RSL1D1: variants seen among roughly 807,000 people sequenced by gnomAD.
RSL1D1 encodes the protein ribosomal L1 domain containing 1.
Under a neutral mutation model 44.6 loss-of-function variants are expected in RSL1D1, and 34 were observed. That is an observed-to-expected ratio of 0.76 (90% CI 0.58 to 1.02). The LOEUF is 1.02. Among genes scored for constraint, RSL1D1 ranks in the 50% least tolerant of loss-of-function variants. The pLI is 0.00. For synonymous variants in RSL1D1, 271 were observed against 207.4 expected, an observed-to-expected ratio of 1.31 and a Z score of -2.63; for missense variants, 767 against 568.1, an observed-to-expected ratio of 1.35 and a Z score of -3.56.
At chr16:11,850,728 G>T (rs2053831450) in intron 1 of RSL1D1, among the ~76,000 whole-genome samples, 1 of 152,180 alleles carries the variant, frequency 6.6e-6, no homozygotes, top group Admixed American at 6.5e-5. Flanking sequence ...CCTCAATGAT[G>T]AAAGCAGTAA....
intron 2 of RSL1D1, among the ~76,000 whole-genome samples, chr16:11,850,070 G>T (rs58446554): frequency 6.6e-6 from 1 of 152,006 alleles, no homozygotes; most frequent in South Asian, 2.1e-4. Flanking sequence ...CAGGTGATCC[G>T]TCCACCTCGG....
At chr16:11,851,233 G>A in intron 1 of RSL1D1, 175 bp downstream of exon 1, 1 of 670,022 alleles carries the variant, frequency 1.5e-6, no homozygotes, top group East Asian at 2.7e-5. Context: ...ACCAGGGAAA[G>A]CAGGCGCCCA....
Position 11,850,306 on chromosome 16 carries a change from A to G in RSL1D1, c.218T>C (p.Ile73Thr), listed in dbSNP as rs761309105. Residue 73 changes from isoleucine (I) to threonine (T), a missense_variant, in exon 2 of 9, where the codon ATT becomes ACT. Transcript: ENST00000571133. ...TCTGACCCTCAGTTCTTTACTTGGA[A>G]TTTTCCATAATACCACCATTAAAAA... ...SLFLMVVLWK[I>T]PSKELRVRLT... 1.9e-6 allele frequency: 3 copies of G among 1,586,848 alleles called. No homozygotes were observed. The East Asian group carries it at 6.8e-5, about 36-fold the overall frequency.
intron 5 of RSL1D1, among the ~76,000 whole-genome samples, chr16:11,845,055 A>G (rs1596441313): frequency 6.6e-6 from 1 of 152,304 alleles, no homozygotes; most frequent in East Asian, 1.9e-4. Flanking sequence ...CAACACACAC[A>G]CCAAATAGGC....
rs1314953533 is a variant in RSL1D1 at position 11,837,803 on chromosome 16, A to C, written c.1457T>G (p.Val486Gly). The change falls in exon 9 of 9, where the codon GTA becomes GGA. Residue 486 changes from valine to glycine, a missense_variant. By Grantham distance (109) the Val-to-Gly change is moderately radical. Coordinates refer to ENST00000571133, the MANE Select transcript of RSL1D1 (RefSeq NM_015659.3). ...TCACTGACTTTAGGTCGACTGGGGTACTTTGGGTTTTTTGGGCCATTTTTT... is the reference window on the plus strand; with the variant it reads ...TCACTGACTTTAGGTCGACTGGGGTCCTTTGGGTTTTTTGGGCCATTTTTT... Reference protein sequence around the residue: ...TPKKWPKKPKVPQST With the variant: ...TPKKWPKKPKGPQST The C allele has an allele frequency of 1.2e-6, 2 of 1,609,404 alleles. No individual in the cohort carries two copies. The highest frequency in any genetic ancestry group is 1.7e-6 in the Non-Finnish European group (2 of 1,177,968).
In RSL1D1 at chr16:11,838,126, A is replaced by G; in HGVS notation, c.1147-13T>C. 2 of 1,557,230 alleles carry G rather than the reference A, an allele frequency of 1.3e-6. No individual in the cohort carries two copies. Among genetic ancestry groups the G allele is most frequent in the East Asian group, 2.3e-5 (1 of 44,286 alleles). ...CATGTTTTTGAATCTAAGAAAAAAA[A>G]AAGTAAGTTTAATATAGAAAAAGCC... On this transcript the variant is annotated splice_polypyrimidine_tract_variant and intron_variant, in intron 8 of 8. Transcript: ENST00000571133.
Position 11,838,750 on chromosome 16 carries a change from A to G in RSL1D1, c.1147-637T>C, listed in dbSNP as rs534566951. ...CACACACCTGTAATCCCAGCTACTC[A>G]GGAGGCTGAGGCACGAGAATTGCTT... is the stretch of plus-strand genomic sequence containing the variant. On this transcript the variant is annotated intron_variant, in intron 8 of 8. Coordinates refer to ENST00000571133, the MANE Select transcript of RSL1D1 (RefSeq NM_015659.3). 2.0e-5 allele frequency among the ~76,000 whole-genome samples: 3 copies of G among 150,508 alleles called. No homozygotes were observed. In the East Asian group the frequency reaches 6.0e-4, roughly 30 times the overall value.
chr16:11,845,960 T>C (rs1254222087), intron 5 of RSL1D1, among the ~76,000 whole-genome samples: 1 of 151,942 alleles, frequency 6.6e-6, no homozygotes, highest in African/African-American at 2.4e-5. Flanking sequence ...CTTGCACTCC[T>C]GGGCTCAAGC....
intron 2 of RSL1D1, among the ~76,000 whole-genome samples, chr16:11,849,669 G>A (rs1231319582): frequency 1.3e-5 from 2 of 151,982 alleles, no homozygotes; most frequent in Non-Finnish European, 2.9e-5. Flanking sequence ...AAAGATAACA[G>A]TTTCTAATAA....
chr16:11,839,529 A>T (rs935657620), intron 8 of RSL1D1, among the ~76,000 whole-genome samples, 166 bp downstream of exon 8: 2 of 39,596 alleles, frequency 5.1e-5, no homozygotes, highest in African/African-American at 5.2e-5. Context: ...TCCCATCTAA[A>T]AAAAAAAAAA....
intron 3 of RSL1D1, 44 bp from the exon 4 acceptor site, chr16:11,846,887 A>G: frequency 1.3e-6 from 2 of 1,506,954 alleles, no homozygotes; most frequent in Non-Finnish European, 9.1e-7. Flanking sequence ...TTAGGAATCT[A>G]AACAAGGAGA....
intron 5 of RSL1D1, 37 bp from the exon 6 acceptor site, chr16:11,842,037 A>G (rs2053767340): frequency 6.8e-7 from 1 of 1,470,236 alleles, no homozygotes; most frequent in Admixed American, 2.0e-5. Flanking sequence ...GATTTTAAAA[A>G]ACCATTTTTC....
At chr16:11,839,227 A>G (rs1311886647) in intron 8 of RSL1D1, among the ~76,000 whole-genome samples, 2 of 152,020 alleles carry the variant, frequency 1.3e-5, no homozygotes, top group Non-Finnish European at 2.9e-5. Context: ...TTAGCTGGGC[A>G]TGGTAGTGCG....
intron 7 of RSL1D1, 149 bp from the exon 8 acceptor site, chr16:11,840,134 G>C: frequency 8.0e-7 from 1 of 1,245,674 alleles, no homozygotes; most frequent in South Asian, 1.5e-5. Context: ...ACCAGCACTG[G>C]AACCTCAACC....
At chr16:11,842,475 T>C (rs2053769844) in intron 5 of RSL1D1, among the ~76,000 whole-genome samples, 1 of 152,000 alleles carries the variant, frequency 6.6e-6, no homozygotes, top group South Asian at 2.1e-4. Flanking sequence ...TGGGCTTAAG[T>C]AATCCTTCCA....
chr16:11,833,983 C>G lies in RSL1D1; in HGVS notation c.*3804G>C, dbSNP rs937176822. 6.6e-6 allele frequency: 1 copy of G among 152,122 alleles called. No individual in the cohort carries two copies. Among genetic ancestry groups the G allele is most frequent in the African/African-American group, 2.4e-5 (1 of 41,422 alleles). 9.4% of individuals were successfully genotyped at this position (152,122 alleles called of 1,614,324 possible). A position where few individuals can be genotyped will look rare whatever the true frequency, so the allele number is the denominator to read the frequency against. Reference sequence around the variant, plus strand: ...GATCTCATTTGGTTCATTAAATCTCCCTGGTGAAGAGGATGGATTCCAGAA... The same window carrying G: ...GATCTCATTTGGTTCATTAAATCTCGCTGGTGAAGAGGATGGATTCCAGAA... On this transcript the variant is annotated 3_prime_UTR_variant, in exon 9 of 9. Coordinates refer to ENST00000571133, the MANE Select transcript of RSL1D1 (RefSeq NM_015659.3).
chr16:11,839,912 C>G lies in RSL1D1; in HGVS notation c.929G>C (p.Arg310Thr), dbSNP rs1170903924. 3 of 1,613,970 alleles carry G rather than the reference C, an allele frequency of 1.9e-6. No individual in the cohort carries two copies. Among genetic ancestry groups the G allele is most frequent in the Non-Finnish European group, 2.5e-6 (3 of 1,179,912 alleles). ...TTTACTAAGAACTGATGCAGTCTTC[C>G]TAGCCTGCTGCCTCTTCTTCTTCCT... ...KERKKKRQQA[R>T]KTASVLSKDD... The change falls in exon 8 of 9, where the codon AGG becomes ACG. Residue 310 changes from arginine to threonine, a missense_variant. Physicochemically the swap from Arg to Thr is moderately conservative, Grantham distance 71. Transcript: ENST00000571133.
At chr16:11,847,165 C>T (rs1236764892) in intron 3 of RSL1D1, among the ~76,000 whole-genome samples, 1 of 152,114 alleles carries the variant, frequency 6.6e-6, no homozygotes, top group Non-Finnish European at 1.5e-5. Context: ...CACCTGAGCT[C>T]AGGAATTCAA....
chr16:11,839,363 C>A, intron 8 of RSL1D1, among the ~76,000 whole-genome samples: 1 of 128,644 alleles, frequency 7.8e-6, no homozygotes, highest in African/African-American at 3.0e-5. Flanking sequence ...GAGACTCCAT[C>A]TTCAAAAAAA....
Sources: allele counts gnomAD v4.1 joint callset (sites outside exome capture counted in the v4.1 genomes callset), GRCh38; gene constraint gnomAD v4.1.1; transcripts MANE v1.5; gene names NCBI Gene and HGNC (gene_info 2026-07-23, HGNC 2026-07-21).